CELF2: variants seen among roughly 807,000 people sequenced by gnomAD.
CELF2 encodes the protein CUGBP Elav-like family member 2.
A neutral mutation model predicts 62.6 loss-of-function variants in CELF2; 8 were observed. That is an observed-to-expected ratio of 0.13 (90% CI 0.07 to 0.23). CELF2 has a LOEUF of 0.23. Among genes scored for constraint, CELF2 ranks in the 10% least tolerant of loss-of-function variants. The probability of loss-of-function intolerance (pLI) is 1.00; values close to 1 mark genes in which losing one functional copy is unlikely to be tolerated. For synonymous variants in CELF2, 258 were observed against 250.0 expected, an observed-to-expected ratio of 1.03 and a Z score of -0.30; for missense variants, 333 against 671.0, an observed-to-expected ratio of 0.50 and a Z score of 5.56.
intron 1 of CELF2, among the ~76,000 whole-genome samples, chr10:11,111,660 C>T (rs1595503077): frequency 6.6e-6 from 1 of 152,146 alleles, no homozygotes; most frequent in South Asian, 2.1e-4. Context: ...GCAACGTGCC[C>T]TATGTCGTAC....
intron 1 of CELF2, among the ~76,000 whole-genome samples, chr10:11,087,103 A>G (rs1403206294): frequency 6.6e-6 from 1 of 152,188 alleles, no homozygotes; most frequent in Non-Finnish European, 1.5e-5. Context: ...CAAAATATAA[A>G]GCACTGTGAC....
At chr10:10,653,326 A>C in the CELF2 span, among the ~76,000 whole-genome samples, 68 of 150,052 alleles carry the variant, frequency 4.5e-4, no homozygotes, top group African/African-American at 1.6e-3. Flanking sequence ...AAAGTCAACA[A>C]GGATACCCAG....
intron 8 of CELF2, among the ~76,000 whole-genome samples, 169 bp from the exon 9 acceptor site, chr10:11,288,249 G>A (rs1007017787): frequency 1.3e-5 from 2 of 152,242 alleles, no homozygotes; most frequent in African/African-American, 2.4e-5. Flanking sequence ...AAGGAGAGGT[G>A]GCCTTGGAGG....
chr10:10,755,772 A>G, the CELF2 span, among the ~76,000 whole-genome samples: 4 of 152,226 alleles, frequency 2.6e-5, no homozygotes, highest in Admixed American at 2.6e-4. Flanking sequence ...TCAGATTCAC[A>G]AGACACCTGA....
At chr10:10,706,871 T>C in the CELF2 span, among the ~76,000 whole-genome samples, 1 of 152,206 alleles carries the variant, frequency 6.6e-6, no homozygotes, top group African/African-American at 2.4e-5. Context: ...CATGCAAAGA[T>C]ATTACCATCT....
chr10:10,742,383 T>C, the CELF2 span, among the ~76,000 whole-genome samples: 2 of 151,922 alleles, frequency 1.3e-5, no homozygotes, highest in South Asian at 4.1e-4. Context: ...TATCCCAGCA[T>C]TTTGGGATGC....
chr10:11,173,468 G>A (rs2069711959), intron 2 of CELF2, among the ~76,000 whole-genome samples: 2 of 152,178 alleles, frequency 1.3e-5, no homozygotes, highest in South Asian at 4.1e-4. Context: ...TTGTATTTTA[G>A]AAGTGTTCAG....
chr10:11,005,423 T>A lies in CELF2; in HGVS notation c.36T>A (p.Asn12Lys). ...CCAAATCCGCTGTTACTATGAGAAA[T>A]GAAGAGCTGCTTTTAAGGTATGTTG... Residue 12 changes from asparagine (N) to lysine (K), a missense_variant, in exon 1 of 13, where the codon AAT becomes AAA. Asn to Lys is a moderately conservative substitution (Grantham distance 94). Transcript: ENST00000416382. The surrounding 1 kb of genome is among the most constrained non-coding windows in gnomAD (Gnocchi z 4.3). 1.2e-6 allele frequency: 2 copies of A among 1,613,976 alleles called. No individual in the cohort carries two copies. Among genetic ancestry groups the A allele is most frequent in the Non-Finnish European group, 1.7e-6 (2 of 1,179,864 alleles).
chr10:11,140,390 G>C (rs76880202), intron 1 of CELF2, among the ~76,000 whole-genome samples: 1 of 151,834 alleles, frequency 6.6e-6, no homozygotes, highest in African/African-American at 2.4e-5. Context: ...ACAGGAGTGA[G>C]TCACCATGCC....
At chr10:10,966,995 GA>G (rs1470854204) in intron 2 of CELF2, among the ~76,000 whole-genome samples, 8 of 152,168 alleles carry the variant, frequency 5.3e-5, no homozygotes, top group African/African-American at 1.2e-4. Flanking sequence ...CTTGTTAAAA[GA>G]AAAATTCTAG....
chr10:11,253,171 G>T (rs997388532), intron 4 of CELF2, among the ~76,000 whole-genome samples: 1 of 152,246 alleles, frequency 6.6e-6, no homozygotes, highest in South Asian at 2.1e-4. Flanking sequence ...GCCTCTTGCC[G>T]CAAGGGAAGT....
chr10:10,598,343 G>T, the CELF2 span, among the ~76,000 whole-genome samples: 1 of 152,136 alleles, frequency 6.6e-6, no homozygotes, highest in South Asian at 2.1e-4. Flanking sequence ...TCTTCTAGAG[G>T]GGCTTTGTTA....
At chr10:11,116,600 G>A (rs909275300) in intron 1 of CELF2, among the ~76,000 whole-genome samples, 1 of 152,210 alleles carries the variant, frequency 6.6e-6, no homozygotes, top group Non-Finnish European at 1.5e-5. Flanking sequence ...TTTTCGAGCT[G>A]TGGAGAGAAG....
At chr10:10,854,517 C>T (rs1379199411) in intron 1 of CELF2, among the ~76,000 whole-genome samples, 3 of 152,128 alleles carry the variant, frequency 2.0e-5, no homozygotes, top group Non-Finnish European at 4.4e-5. Flanking sequence ...GAACCCACTC[C>T]GGGATCCAAA....
chr10:11,214,009 C>T lies in CELF2; in HGVS notation c.272-3416C>T, dbSNP rs1198918749. 1.3e-5 allele frequency among the ~76,000 whole-genome samples: 2 copies of T among 152,194 alleles called. No individual in the cohort carries two copies. The highest frequency in any genetic ancestry group is 4.8e-5 in the African/African-American group (2 of 41,442). ...TACTTACTGATGAGACTAGGCCGGG[C>T]ACAGTAGCTCATGCCTATAGTCTAA... On this transcript the variant is annotated intron_variant, in intron 2 of 12. Transcript: ENST00000633077. This position sits in a 1 kb window ranked among gnomAD's most constrained non-coding sequence, Gnocchi z 4.2.
In CELF2 at chr10:11,211,334, G is replaced by A. The variant is rs566683204; in HGVS notation, c.272-6091G>A. 4.9e-4 allele frequency among the ~76,000 whole-genome samples: 74 copies of A among 152,222 alleles called. No individual in the cohort carries two copies. The South Asian group carries it at 7.5e-3, about 15-fold the overall frequency. ...AGAGTCAAGGAATTTAAAGAAAACC[G>A]CCTTTTTAAAACAGTGTCTCAGAGC... On this transcript the variant is annotated intron_variant, in intron 2 of 12. Coordinates refer to ENST00000633077, the MANE Select transcript of CELF2 (RefSeq NM_001326342.2). The surrounding 1 kb of genome is among the most constrained non-coding windows in gnomAD (Gnocchi z 4.8).
chr10:10,655,420 C>A, the CELF2 span, among the ~76,000 whole-genome samples: 1 of 126,486 alleles, frequency 7.9e-6, no homozygotes, highest in African/African-American at 2.9e-5. Flanking sequence ...CCAAGTCAAT[C>A]CTAAGCCAAA....
At chr10:11,173,335 A>T (rs118041232) in intron 2 of CELF2, among the ~76,000 whole-genome samples, 1 of 152,184 alleles carries the variant, frequency 6.6e-6, no homozygotes, top group Non-Finnish European at 1.5e-5. Context: ...AGCGTGACCT[A>T]CCTGCCTTTC....
At chr10:10,918,624 C>G (rs2064565070) in intron 1 of CELF2, among the ~76,000 whole-genome samples, 1 of 152,112 alleles carries the variant, frequency 6.6e-6, no homozygotes, top group African/African-American at 2.4e-5. Flanking sequence ...GAAGGAAGTC[C>G]TCTGTTTGAA....
Sources: gnomAD v4.1 joint callset for allele counts (sites outside exome capture counted in the v4.1 genomes callset) on GRCh38, gnomAD v4.1.1 for gene constraint, Gnocchi (gnomAD v3.1) non-coding constraint, MANE v1.5 for transcripts, NCBI Gene and HGNC (gene_info 2026-07-23, HGNC 2026-07-21) for gene names.